The following TMEM59 variants were observed in gnomAD, a reference collection of about 807,000 sequenced individuals.
The protein encoded by TMEM59 is transmembrane protein 59.
Under a neutral mutation model 42.2 loss-of-function variants are expected in TMEM59, and 44 were observed. The ratio of observed to expected loss-of-function variants is 1.04; its 90% CI spans 0.82 to 1.34. TMEM59 has a LOEUF of 1.34. Ranked by LOEUF, TMEM59 falls within the 40% of genes most tolerant of loss-of-function variation. TMEM59 has a pLI of 0.00. For missense variants in TMEM59, 359 were observed against 382.8 expected (o/e 0.94, Z 0.52); for synonymous variants, 148 against 145.8 (o/e 1.02, Z -0.11).
At chr1:54,053,481 C>G, upstream of TMEM59, 1 of 405,026 alleles carries the variant, frequency 2.5e-6, no homozygotes. Flanking sequence ...GCATGTAGTT[C>G]TCCGTAGGCG....
upstream of TMEM59, chr1:54,053,210 A>C (rs1418218311): frequency 2.5e-6 from 4 of 1,611,294 alleles, no homozygotes; most frequent in South Asian, 3.3e-5. Flanking sequence ...CTGTCACAGC[A>C]GCTCAGCTTG....
upstream of TMEM59, chr1:54,053,513 G>C (rs1657665572): frequency 1.0e-5 from 3 of 291,274 alleles, no homozygotes; most frequent in Non-Finnish European, 1.9e-5. Flanking sequence ...GTGCTGTCGG[G>C]AAAGTTGGTC....
intron 3 of TMEM59, chr1:54,044,605 C>A (rs1657265815): frequency 6.7e-6 from 1 of 149,946 alleles, no homozygotes. Context: ...AGCTTGAGGC[C>A]AGCCTGGGTA....
In TMEM59 at chr1:54,028,741, T is replaced by A. The variant is rs1163308040; in HGVS notation, c.*3409A>T. On this transcript the variant is annotated 3_prime_UTR_variant, in exon 8 of 8. Transcript: ENST00000234831. ...CCCATAATGCATACAGCTCCTCCTA[T>A]GTGCTCTGTGCTTGGTCATAGCACT... 6.6e-6 allele frequency: 1 copy of A among 152,236 alleles called. No homozygotes were observed. Among genetic ancestry groups the A allele is most frequent in the Non-Finnish European group, 1.5e-5 (1 of 68,060 alleles). The allele number at this position is 152,236 out of a possible 1,614,324, so 9.4% of individuals were successfully genotyped here.
Position 54,029,229 on chromosome 1 carries a change from T to C in TMEM59, c.*2921A>G, listed in dbSNP as rs1656691811. 6.6e-6 allele frequency: 1 copy of C among 152,226 alleles called. No homozygotes were observed. The highest frequency in any genetic ancestry group is 2.1e-4 in the South Asian group (1 of 4,830). 9.4% of individuals were successfully genotyped at this position (152,226 alleles called of 1,614,324 possible). A position where few individuals can be genotyped will look rare whatever the true frequency, so the allele number is the denominator to read the frequency against. ...AGATAAGATTGACCAGATCATCTAG[T>C]AATTTCTGATTTACTACAAAACATA... On this transcript the variant is annotated 3_prime_UTR_variant, in exon 8 of 8. Transcript: ENST00000234831.
upstream of TMEM59, chr1:54,053,439 C>A (rs909194083): frequency 1.9e-6 from 1 of 522,428 alleles, no homozygotes; most frequent in African/African-American, 1.9e-5. Context: ...AGCGGGGCCT[C>A]CTGACTTCTT....
intron 2 of TMEM59, 40 bp from the exon 3 acceptor site, chr1:54,045,826 GA>G: frequency 6.5e-7 from 1 of 1,527,816 alleles, no homozygotes; most frequent in Non-Finnish European, 8.9e-7. Flanking sequence ...AAACAAAAGA[GA>G]AAGGGAAAGA....
intron 1 of TMEM59, among the ~76,000 whole-genome samples, chr1:54,050,143 TGAG>T (rs1379732097): frequency 6.6e-6 from 1 of 152,186 alleles, no homozygotes; most frequent in African/African-American, 2.4e-5. Flanking sequence ...TTTCTTTTTT[TGAG>T]ATGCAGTCTT....
At chr1:54,037,304 T>C (rs578020426) in intron 6 of TMEM59, among the ~76,000 whole-genome samples, 129 of 152,362 alleles carry the variant, frequency 8.5e-4, no homozygotes, top group African/African-American at 3.0e-3. Flanking sequence ...AGTAAAGAGA[T>C]AGTTATATTT....
chr1:54,041,666 A>G, intron 5 of TMEM59, 58 bp downstream of exon 5: 2 of 1,391,916 alleles, frequency 1.4e-6, no homozygotes, highest in Admixed American at 1.7e-5. Flanking sequence ...GACCAACTCT[A>G]CTACAACCAG....
intron 3 of TMEM59, 99 bp downstream of exon 3, chr1:54,045,593 A>G: frequency 2.5e-6 from 3 of 1,178,262 alleles, no homozygotes; most frequent in South Asian, 1.5e-5. Context: ...AATATAAAAT[A>G]TAACACTAAA....
intron 1 of TMEM59, among the ~76,000 whole-genome samples, chr1:54,049,821 T>C (rs1015359558): frequency 6.6e-6 from 1 of 152,082 alleles, no homozygotes; most frequent in Non-Finnish European, 1.5e-5. Context: ...TCAATTATTT[T>C]AAATTAAAAA....
At chr1:54,041,623 CTGTT>C (rs1657139869) in intron 5 of TMEM59, 97 bp downstream of exon 5, 1 of 879,932 alleles carries the variant, frequency 1.1e-6, no homozygotes. Context: ...TAGAAATTAT[CTGTT>C]TATGTTCCAT....
intron 1 of TMEM59, among the ~76,000 whole-genome samples, chr1:54,049,051 T>C (rs1230398683): frequency 6.6e-6 from 1 of 152,222 alleles, no homozygotes; most frequent in Non-Finnish European, 1.5e-5. Context: ...GTATGAGCTA[T>C]ACCACATGCC....
rs1240414254 is a variant in TMEM59 at position 54,030,137 on chromosome 1, T to C, written c.*2013A>G. 1 of 151,354 alleles carries C rather than the reference T, an allele frequency of 6.6e-6. No individual in the cohort carries two copies. Among genetic ancestry groups the C allele is most frequent in the Non-Finnish European group, 1.5e-5 (1 of 67,870 alleles). The allele number at this position is 151,354 out of a possible 1,614,324, so 9.4% of individuals were successfully genotyped here. On this transcript the variant is annotated 3_prime_UTR_variant, in exon 8 of 8. Transcript: ENST00000234831. ...GGAGAATATAGGACAACTGTACAGTTGCTTTAAAAAAAAAAAAAAAGATGG... is the reference window on the plus strand; with the variant it reads ...GGAGAATATAGGACAACTGTACAGTCGCTTTAAAAAAAAAAAAAAAGATGG...
At chr1:54,043,214 T>C (rs1264885818) in intron 4 of TMEM59, among the ~76,000 whole-genome samples, 159 bp downstream of exon 4, 1 of 152,190 alleles carries the variant, frequency 6.6e-6, no homozygotes, top group Non-Finnish European at 1.5e-5. Flanking sequence ...GTAATAAAAC[T>C]GATGTCTAAT....
intron 7 of TMEM59, among the ~76,000 whole-genome samples, chr1:54,032,893 G>C (rs1209596966): frequency 6.6e-6 from 1 of 150,418 alleles, no homozygotes; most frequent in Non-Finnish European, 1.5e-5. Flanking sequence ...AGAGTAGGTA[G>C]ACTTAGATAT....
In TMEM59 at chr1:54,036,666, G is replaced by C. The variant is rs144405495; in HGVS notation, c.760C>G (p.Leu254Val). 6.2e-7 allele frequency: 1 copy of C among 1,606,704 alleles called. No homozygotes were observed. Among genetic ancestry groups the C allele is most frequent in the African/African-American group, 1.3e-5 (1 of 74,160 alleles). ...GCAACAGTTGCACAACAAATCCAAA[G>C]CAATACCATCACCGAGAGGACAAGA... ...TTLVLSVMVL[L>V]WICCATVATA... The change falls in exon 7 of 8, where the codon CTT (leucine) becomes GTT (valine). Residue 254 changes from leucine to valine, a missense_variant. Transcript: ENST00000234831.
chr1:54,036,778 T>C (rs912998252), intron 6 of TMEM59, 60 bp from the exon 7 acceptor site: 2 of 1,213,730 alleles, frequency 1.6e-6, no homozygotes, highest in Non-Finnish European at 2.3e-6. Context: ...AGGAAATTCT[T>C]AATTAGTCAA....
Sources: gnomAD v4.1 joint callset for allele counts (sites outside exome capture counted in the v4.1 genomes callset) on GRCh38, gnomAD v4.1.1 for gene constraint, MANE v1.5 for transcripts, NCBI Gene and HGNC (gene_info 2026-07-23, HGNC 2026-07-21) for gene names.